The following PDXK variants were observed in gnomAD, a reference collection of about 807,000 sequenced individuals.
The protein encoded by PDXK is epididymis secretory sperm binding protein Li 1a.
A neutral mutation model predicts 43.2 loss-of-function variants in PDXK; 15 were observed. That is an observed-to-expected ratio of 0.35 (90% confidence interval 0.23 to 0.53). The LOEUF (loss-of-function observed/expected upper bound fraction) is 0.53. Among genes scored for constraint, PDXK ranks in the 20% least tolerant of loss-of-function variants. PDXK has a pLI of 0.92. For missense variants in PDXK, 343 were observed against 417.0 expected, an observed-to-expected ratio of 0.82 and a Z score of 1.54; for synonymous variants, 172 against 165.4, an observed-to-expected ratio of 1.04 and a Z score of -0.31.
intron 1 of PDXK, among the ~76,000 whole-genome samples, chr21:43,720,320 CCT>C (rs1454282052): frequency 2.0e-5 from 3 of 152,156 alleles, no homozygotes; most frequent in African/African-American, 7.2e-5. Flanking sequence ...ATGCCTGGTC[CCT>C]GTGCTGGGCC....
At position 43,761,421 on chromosome 21, in the gene PDXK, G is replaced by T. The variant is rs1216347367; in HGVS notation, c.*5358G>T. 6.4e-6 allele frequency: 1 copy of T among 156,352 alleles called. No homozygotes were observed. The highest frequency in any genetic ancestry group is 1.4e-5 in the Non-Finnish European group (1 of 69,580). The allele number at this position is 156,352 out of a possible 1,614,324, so 9.7% of individuals were successfully genotyped here. ...GGGACGGACAGCAAGGGCAAGCCCA[G>T]TGTCTGGCGGATAGGTGGGTGGGAA... On this transcript the variant is annotated 3_prime_UTR_variant, in exon 11 of 11. Coordinates refer to ENST00000291565, the MANE Select transcript of PDXK (RefSeq NM_003681.5).
At chr21:43,720,450 C>T (rs772245557) in intron 1 of PDXK, among the ~76,000 whole-genome samples, 2 of 152,158 alleles carry the variant, frequency 1.3e-5, no homozygotes, top group African/African-American at 2.4e-5. Context: ...CTGACCTAGG[C>T]GTGCCCCCAG....
chr21:43,728,636 C>A, intron 1 of PDXK: 1 of 825,762 alleles, frequency 1.2e-6, no homozygotes, highest in Non-Finnish European at 1.5e-6. Flanking sequence ...GAGTGGGATG[C>A]TGCCGATAAG....
intron 10 of PDXK, 79 bp downstream of exon 10, chr21:43,755,843 G>C: frequency 6.8e-7 from 1 of 1,475,212 alleles, no homozygotes; most frequent in East Asian, 2.3e-5. Context: ...GCACGTGCTG[G>C]TTTTGAAGGT....
chr21:43,726,423 C>G (rs1437493563), intron 1 of PDXK, among the ~76,000 whole-genome samples: 1 of 151,916 alleles, frequency 6.6e-6, no homozygotes, highest in Non-Finnish European at 1.5e-5. Context: ...CTACAGGCGC[C>G]CGCCACCACA....
chr21:43,719,512 A>C, intron 1 of PDXK, 131 bp downstream of exon 1: 1 of 1,323,086 alleles, frequency 7.6e-7, no homozygotes, highest in Non-Finnish European at 9.9e-7. Context: ...GGCGCCCTGG[A>C]GGCAGGCGCG....
rs972137067 is a variant in PDXK at position 43,739,878 on chromosome 21, C to A, written c.143-1789C>A. Among the ~76,000 whole-genome samples, 10 of 151,940 alleles carry A rather than the reference C, an allele frequency of 6.6e-5. 1 individual carries two copies. Among genetic ancestry groups the A allele is most frequent in the Middle Eastern group, 6.8e-3 (2 of 294 alleles). On this transcript the variant is annotated intron_variant, in intron 2 of 10. Coordinates refer to ENST00000291565, the MANE Select transcript of PDXK (RefSeq NM_003681.5). ...AGGACCAGGAGGGACCATTGCTCAC[C>A]TCCCTCCTCCTACCCCTTACCCCAA...
Position 43,737,051 on chromosome 21 carries a change from A to G in PDXK, c.142+2928A>G. 1.4e-6 allele frequency: 1 copy of G among 733,592 alleles called. No individual in the cohort carries two copies. Among genetic ancestry groups the G allele is most frequent in the South Asian group, 1.5e-5 (1 of 68,170 alleles). 45.4% of individuals were successfully genotyped at this position (733,592 alleles called of 1,614,324 possible). A position where few individuals can be genotyped will look rare whatever the true frequency, so the allele number is the denominator to read the frequency against. ...GGGCTGAAGCAATCTTTCTGCCTCC[A>G]CCTCCCGAGTGGCTGGGACTATAGT... On this transcript the variant is annotated intron_variant, in intron 2 of 10. Coordinates refer to ENST00000291565, the MANE Select transcript of PDXK (RefSeq NM_003681.5). This position sits in a 1 kb window ranked among gnomAD's most constrained non-coding sequence, Gnocchi z 4.8.
chr21:43,747,490 A>G (rs1287005326), intron 5 of PDXK, among the ~76,000 whole-genome samples: 2 of 152,216 alleles, frequency 1.3e-5, no homozygotes, highest in African/African-American at 2.4e-5. Flanking sequence ...AAGTCAGGAT[A>G]TCTGTCACTG....
intron 1 of PDXK, among the ~76,000 whole-genome samples, chr21:43,733,256 C>CCCCCCCCCCCG (rs2083347301): frequency 1.0e-5 from 1 of 100,006 alleles, no homozygotes; most frequent in African/African-American, 4.9e-5. Context: ...CATCCCCACC[C>CCCCCCCCCCCG]CCCCCCCCGC....
rs559194340 is a variant in PDXK, at chr21:43,761,749, C to T, written c.*5686C>T. On this transcript the variant is annotated 3_prime_UTR_variant, in exon 11 of 11. Transcript: ENST00000291565. Reference sequence around the variant, plus strand: ...CCTCAGCAGGCCTGGAAGACCCTTCCAGTACATCCCACAGCGTGTCGAGCA... The same window carrying T: ...CCTCAGCAGGCCTGGAAGACCCTTCTAGTACATCCCACAGCGTGTCGAGCA... 1.3e-5 allele frequency: 2 copies of T among 152,158 alleles called. No individual in the cohort carries two copies. Among genetic ancestry groups the T allele is most frequent in the Non-Finnish European group, 2.9e-5 (2 of 68,054 alleles). The allele number at this position is 152,158 out of a possible 1,614,324, so 9.4% of individuals were successfully genotyped here. A position where few individuals can be genotyped will look rare whatever the true frequency, so the allele number is the denominator to read the frequency against.
At chr21:43,741,154 GGGGGGCTCGC>G (rs1370555275) in intron 2 of PDXK, 6 of 8,368 alleles carry the variant, frequency 7.2e-4, no homozygotes, top group African/African-American at 4.8e-3. Flanking sequence ...GTGCAGGGGC[GGGGGGCTCGC>G]GGGGGGGCTC....
At chr21:43,743,601 G>C in intron 3 of PDXK, 123 bp from the exon 4 acceptor site, 1 of 592,200 alleles carries the variant, frequency 1.7e-6, no homozygotes, top group Non-Finnish European at 3.1e-6. Context: ...CACCTCGCCT[G>C]CACCCACCTC....
In PDXK at chr21:43,734,098, C is replaced by G. The variant is rs1364894248; in HGVS notation, c.117C>G (p.Asn39Lys). The G allele has an allele frequency of 6.2e-7, 1 of 1,614,236 alleles. No individual in the cohort carries two copies. The highest frequency in any genetic ancestry group is 2.2e-5 in the East Asian group (1 of 44,886). ...QVLGFEIDAV[N>K]SVQFSNHTGY... ...TGGGATTTGAGATTGACGCGGTGAA[C>G]TCTGTCCAGTTTTCAAACCACACAG... Residue 39 changes from asparagine to lysine, a missense_variant, in exon 2 of 11, where the codon AAC (asparagine) becomes AAG (lysine). Coordinates refer to ENST00000291565, the MANE Select transcript of PDXK (RefSeq NM_003681.5). This position sits in a 1 kb window ranked among gnomAD's most constrained non-coding sequence, Gnocchi z 5.0.
At position 43,721,503 on chromosome 21, in the gene PDXK, C is replaced by T. The variant is rs116716836; in HGVS notation, c.87+2122C>T. Among the ~76,000 whole-genome samples, 556 of 152,330 alleles carry T rather than the reference C, an allele frequency of 3.6e-3. 2 individuals carry two copies. Among genetic ancestry groups the T allele is most frequent in the African/African-American group, 0.013 (546 of 41,580 alleles). On this transcript the variant is annotated intron_variant, in intron 1 of 10. Transcript: ENST00000291565. ...CTCAGGGGTGTGGCATGTAGCAGGG[C>T]GGCTGGAGAGGCGCCTTATGGGGAC...
rs760841184 is a variant in PDXK at position 43,734,027 on chromosome 21, C to T, written c.88-42C>T. 1 of 1,603,412 alleles carries T rather than the reference C, an allele frequency of 6.2e-7. No homozygotes were observed. The stretch of plus-strand genomic sequence containing the variant: ...CTGCTGGGGTTCGTGGGACCCCAGA[C>T]CTGGCTCTCTTACGCCTACCTGTTC... On this transcript the variant is annotated intron_variant, in intron 1 of 10. Transcript: ENST00000291565. This position sits in a 1 kb window ranked among gnomAD's most constrained non-coding sequence, Gnocchi z 5.0.
Position 43,719,211 on chromosome 21 carries a change from C to T in PDXK, c.-84C>T. On this transcript the variant is annotated 5_prime_UTR_variant, in exon 1 of 11. Transcript: ENST00000291565. The stretch of plus-strand genomic sequence containing the variant: ...GCCGAGGGGAGCCGGGGCCGGAGCC[C>T]GAGCCCGAGCCGAGCCGGAGCCCGA... 1 of 733,596 alleles carries T rather than the reference C, an allele frequency of 1.4e-6. No homozygotes were observed. Among genetic ancestry groups the T allele is most frequent in the Non-Finnish European group, 1.9e-6 (1 of 537,142 alleles). The allele number at this position is 733,596 out of a possible 1,614,324, so 45.4% of individuals were successfully genotyped here.
rs947856755 is a variant in PDXK, at chr21:43,737,232, G to C, written c.142+3109G>C. 35 of 1,429,480 alleles carry C rather than the reference G, an allele frequency of 2.4e-5. No individual in the cohort carries two copies. The highest frequency in any genetic ancestry group is 2.4e-4 in the Middle Eastern group (1 of 4,238). The allele number at this position is 1,429,480 out of a possible 1,614,324, so 88.5% of individuals were successfully genotyped here. A position where few individuals can be genotyped will look rare whatever the true frequency, so the allele number is the denominator to read the frequency against. On this transcript the variant is annotated intron_variant, in intron 2 of 10. Coordinates refer to ENST00000291565, the MANE Select transcript of PDXK (RefSeq NM_003681.5). The surrounding 1 kb of genome is among the most constrained non-coding windows in gnomAD (Gnocchi z 4.8). ...TGGTTCCCTGACGCCCTTCAGGCTGGGGGGTGGGAAAGCCGATCCCCCAAG... is the reference window on the plus strand; with the variant it reads ...TGGTTCCCTGACGCCCTTCAGGCTGCGGGGTGGGAAAGCCGATCCCCCAAG...
chr21:43,748,945 G>T (rs747963396), intron 5 of PDXK, 50 bp from the exon 6 acceptor site: 1 of 1,177,742 alleles, frequency 8.5e-7, no homozygotes, highest in Non-Finnish European at 1.3e-6. Context: ...CCCCTGGCGT[G>T]CTTCCCTCAC....
Sources: allele counts gnomAD v4.1 joint callset (sites outside exome capture counted in the v4.1 genomes callset), GRCh38; gene constraint gnomAD v4.1.1; non-coding constraint Gnocchi (gnomAD v3.1); transcripts MANE v1.5; gene names NCBI Gene and HGNC (gene_info 2026-07-23, HGNC 2026-07-21).